The following RPS29 variants were observed in gnomAD, a reference collection of about 807,000 sequenced individuals.
RPS29 encodes the protein small ribosomal subunit protein uS14.
For synonymous variants in RPS29, 37 were observed against 26.9 expected, an observed-to-expected ratio of 1.37 and a Z score of -1.16; for missense variants, 60 against 75.7, an observed-to-expected ratio of 0.79 and a Z score of 0.77.
chr14:49,598,333 T>A, intron 1 of RPS29: 1 of 626,368 alleles, frequency 1.6e-6, no homozygotes, highest in South Asian at 1.8e-5. Flanking sequence ...TACGAAGGCC[T>A]TGTGCGGTCT....
upstream of RPS29, among the ~76,000 whole-genome samples, chr14:49,589,264 G>A (rs947757279): frequency 1.3e-5 from 2 of 151,746 alleles, no homozygotes; most frequent in Non-Finnish European, 2.9e-5. Flanking sequence ...ATTGGGTTTG[G>A]GTTCTTTGTT....
At chr14:49,584,349 A>T (rs898231552) in intron 2 of RPS29, among the ~76,000 whole-genome samples, 1 of 152,218 alleles carries the variant, frequency 6.6e-6, no homozygotes, top group Non-Finnish European at 1.5e-5. Context: ...CTACCTCTCA[A>T]ATTAGGCGAA....
downstream of RPS29, among the ~76,000 whole-genome samples, chr14:49,582,439 T>C (rs1881367577): frequency 6.6e-6 from 1 of 152,232 alleles, no homozygotes; most frequent in African/African-American, 2.4e-5. Context: ...ATTAAGTTCA[T>C]AAGCCAAATT....
In RPS29 at chr14:49,586,358, C is replaced by A. The variant is rs1316974039; in HGVS notation, c.-12G>T. ...TGCTGGTGACCCATCTTGCTCTCAGCAGTGCAACGAGGTAAAAGGAAGAAG... is the reference window on the plus strand; with the variant it reads ...TGCTGGTGACCCATCTTGCTCTCAGAAGTGCAACGAGGTAAAAGGAAGAAG... On this transcript the variant is annotated 5_prime_UTR_variant, in exon 1 of 3. Coordinates refer to ENST00000245458, the MANE Select transcript of RPS29 (RefSeq NM_001032.5). 6.2e-7 allele frequency: 1 copy of A among 1,613,408 alleles called. No homozygotes were observed. Among genetic ancestry groups the A allele is most frequent in the Non-Finnish European group, 8.5e-7 (1 of 1,179,406 alleles).
At chr14:49,588,019 C>T (rs560389705), upstream of RPS29, among the ~76,000 whole-genome samples, 1 of 152,320 alleles carries the variant, frequency 6.6e-6, no homozygotes, top group East Asian at 1.9e-4. Flanking sequence ...CAATGTCAAG[C>T]TTTTACAACT....
At chr14:49,577,748 C>T (rs985391589) in exon 3 of RPS29, 2 of 1,278,552 alleles carry the variant, frequency 1.6e-6, no homozygotes, top group East Asian at 2.3e-5. Context: ...GAACTTGGTG[C>T]TCTTTTTGAT....
chr14:49,586,028 G>A lies in RPS29; in HGVS notation c.84C>T (p.His28=), dbSNP rs11548400. The part of the protein sequence containing the change: ...SRSCRVCSNR[H]GLIRKYGLNM... ...TGAGGCCATATTTCCGGATCAGACC[G>A]TGCCGGTTTGAACAGACACGACTGT... The change falls in exon 2 of 3, where the codon CAC becomes CAT. Residue 28 remains histidine, a synonymous_variant. Transcript: ENST00000245458. 2 of 1,613,888 alleles carry A rather than the reference G, an allele frequency of 1.2e-6. No individual in the cohort carries two copies. Among genetic ancestry groups the A allele is most frequent in the Non-Finnish European group, 1.7e-6 (2 of 1,179,790 alleles).
At chr14:49,584,594 A>G (rs1474846399) in intron 2 of RPS29, among the ~76,000 whole-genome samples, 1 of 152,084 alleles carries the variant, frequency 6.6e-6, no homozygotes, top group Admixed American at 6.6e-5. Flanking sequence ...GTGAAATCCC[A>G]TCTCCACAAA....
intron 1 of RPS29, among the ~76,000 whole-genome samples, chr14:49,591,944 T>C (rs1371688808): frequency 6.6e-6 from 1 of 152,148 alleles, no homozygotes; most frequent in Non-Finnish European, 1.5e-5. Flanking sequence ...TAAAGTCCAC[T>C]TAGCAAGATT....
At chr14:49,586,570 G>A (rs113644530), upstream of RPS29, 90 of 558,666 alleles carry the variant, frequency 1.6e-4, no homozygotes, top group Middle Eastern at 9.9e-4. Context: ...TTCTGCGCCG[G>A]TATCCGACCG....
downstream of RPS29, among the ~76,000 whole-genome samples, chr14:49,582,274 G>C (rs1196609213): frequency 6.6e-6 from 1 of 152,102 alleles, no homozygotes; most frequent in Non-Finnish European, 1.5e-5. Flanking sequence ...ACAAAAGTAA[G>C]TTTCCAAATG....
At chr14:49,577,810 T>A (rs746385306) in exon 3 of RPS29, 1 of 1,602,612 alleles carries the variant, frequency 6.2e-7, no homozygotes, top group Non-Finnish European at 8.5e-7. Flanking sequence ...AGGAGATGGG[T>A]GTCACCTCCA....
intron 1 of RPS29, among the ~76,000 whole-genome samples, chr14:49,596,918 CTT>C (rs11294951): frequency 4.1e-4 from 50 of 121,896 alleles, no homozygotes; most frequent in African/African-American, 6.5e-4. Flanking sequence ...TTTTCTTCTT[CTT>C]TTTTTTTTTT....
At chr14:49,588,876 CTTTTTTTTTTTTTT>C (rs577408713), upstream of RPS29, among the ~76,000 whole-genome samples, 23,101 of 92,638 alleles carry the variant, frequency 0.25, 2,535 homozygotes, top group Admixed American at 0.38. Flanking sequence ...TTTCTGAGTC[CTTTTTTTTTTTTTT>C]TTTTTTTTTT....
chr14:49,592,135 CAA>C (rs1183026006), intron 1 of RPS29: 1 of 151,826 alleles, frequency 6.6e-6, no homozygotes. Context: ...ATATAAGATG[CAA>C]AGTTATTTTC....
At chr14:49,588,828 C>CT (rs1189268983), upstream of RPS29, among the ~76,000 whole-genome samples, 2 of 148,470 alleles carry the variant, frequency 1.3e-5, no homozygotes, top group Non-Finnish European at 3.0e-5. Context: ...CACGCCCGGC[C>CT]TAAGAGCTTT....
upstream of RPS29, among the ~76,000 whole-genome samples, chr14:49,589,502 A>G (rs188973646): frequency 4.5e-4 from 68 of 152,296 alleles, no homozygotes; most frequent in African/African-American, 1.5e-3. Flanking sequence ...TTCTTTCTCA[A>G]ATTATTCTTA....
chr14:49,593,083 T>A (rs983658592), intron 1 of RPS29, among the ~76,000 whole-genome samples: 8 of 152,218 alleles, frequency 5.3e-5, no homozygotes, highest in Non-Finnish European at 8.8e-5. Context: ...ATTCAGCTTT[T>A]TTCTCCTCCC....
chr14:49,598,586 T>C (rs910780734), exon 1 of RPS29: 2 of 701,860 alleles, frequency 2.8e-6, no homozygotes, highest in Non-Finnish European at 5.2e-6. Context: ...TGCCTTTCCC[T>C]GTAACGCAGA....
Sources: gnomAD v4.1 joint callset for allele counts (sites outside exome capture counted in the v4.1 genomes callset) on GRCh38, gnomAD v4.1.1 for gene constraint, MANE v1.5 for transcripts, NCBI Gene and HGNC (gene_info 2026-07-23, HGNC 2026-07-21) for gene names.